Variants in PLXNA4 observed in about 807,000 individuals in gnomAD.
PLXNA4 encodes the protein plexin A4, also known as plexin-A4.
In PLXNA4, 44 loss-of-function variants were observed where a neutral mutation model predicts 191.8. That is an observed-to-expected ratio of 0.23 (90% CI 0.18 to 0.29). The LOEUF (loss-of-function observed/expected upper bound fraction) is 0.29. Among genes scored for constraint, PLXNA4 ranks in the 10% least tolerant of loss-of-function variants. The pLI is 1.00. For synonymous variants in PLXNA4, 1,082 were observed against 1,009.5 expected (o/e 1.07, Z -1.36); for missense variants, 1,800 against 2,488.8 (o/e 0.72, Z 5.89).
intron 3 of PLXNA4, among the ~76,000 whole-genome samples, chr7:132,424,836 G>A (rs550199659): frequency 3.9e-4 from 59 of 152,314 alleles, no homozygotes; most frequent in African/African-American, 7.7e-4. Flanking sequence ...TTCTGCTAGC[G>A]TGTGGTTTGG....
chr7:132,237,811 A>G (rs1798752602), intron 5 of PLXNA4, among the ~76,000 whole-genome samples: 1 of 152,174 alleles, frequency 6.6e-6, no homozygotes. Flanking sequence ...GTTATCGTGG[A>G]ATCTATTTGC....
chr7:132,234,278 G>T (rs1798621505), intron 5 of PLXNA4, among the ~76,000 whole-genome samples: 1 of 152,170 alleles, frequency 6.6e-6, no homozygotes, highest in Non-Finnish European at 1.5e-5. Context: ...CCAACAGCCT[G>T]GTGTCTTCAT....
At position 132,297,243 on chromosome 7, in the gene PLXNA4, G is replaced by A. The variant is rs542326457; in HGVS notation, c.1503+848C>T. ...ACGCATACATATTCATGGGATAGAGGGGCAGCTCCCGAGAATGACCCATCC... is the reference window on the plus strand; with the variant it reads ...ACGCATACATATTCATGGGATAGAGAGGCAGCTCCCGAGAATGACCCATCC... On this transcript the variant is annotated intron_variant, in intron 4 of 31. Coordinates refer to ENST00000321063, the MANE Select transcript of PLXNA4 (RefSeq NM_020911.2). 1.5e-3 allele frequency among the ~76,000 whole-genome samples: 226 copies of A among 152,242 alleles called. 1 individual carries two copies. Among genetic ancestry groups the A allele is most frequent in the African/African-American group, 5.3e-3 (219 of 41,546 alleles).
chr7:132,222,050 A>G (rs1296963207), intron 9 of PLXNA4, among the ~76,000 whole-genome samples: 1 of 152,230 alleles, frequency 6.6e-6, no homozygotes, highest in African/African-American at 2.4e-5. Flanking sequence ...TATCTTAATG[A>G]AGGTTTTCAA....
chr7:132,457,995 C>T (rs1001335322), intron 3 of PLXNA4, among the ~76,000 whole-genome samples: 30 of 152,200 alleles, frequency 2.0e-4, no homozygotes, highest in African/African-American at 7.2e-4. Context: ...TAAGAGAATA[C>T]ATTTGTGTCG....
At chr7:132,448,020 C>T (rs1023682085) in intron 3 of PLXNA4, among the ~76,000 whole-genome samples, 1 of 152,018 alleles carries the variant, frequency 6.6e-6, no homozygotes, top group African/African-American at 2.4e-5. Context: ...TAAAAAACAA[C>T]AACAACAGAA....
intron 3 of PLXNA4, among the ~76,000 whole-genome samples, chr7:132,445,906 G>C (rs1335844635): frequency 6.6e-6 from 1 of 152,156 alleles, no homozygotes; most frequent in African/African-American, 2.4e-5. Context: ...GGAAAATGAA[G>C]GTCAAAGTTA....
At chr7:132,561,790 C>G (rs1281326184) in intron 1 of PLXNA4, among the ~76,000 whole-genome samples, 5 of 133,640 alleles carry the variant, frequency 3.7e-5, no homozygotes, top group Non-Finnish European at 8.0e-5. Context: ...TCGTCCTTAA[C>G]CTCCTCCTCC....
intron 3 of PLXNA4, among the ~76,000 whole-genome samples, chr7:132,479,473 G>A (rs1205177587): frequency 6.6e-6 from 1 of 152,112 alleles, no homozygotes; most frequent in Admixed American, 6.5e-5. Context: ...ACAAAATAGA[G>A]CTGGGTCCCC....
At position 132,507,555 on chromosome 7, in the gene PLXNA4, G is replaced by A. The variant is rs1163987218; in HGVS notation, c.1139C>T (p.Thr380Met). The A allele has an allele frequency of 2.9e-5, 47 of 1,613,814 alleles. No homozygotes were observed. Among genetic ancestry groups the A allele is most frequent in the African/African-American group, 4.0e-5 (3 of 74,906 alleles). Residue 380 changes from threonine to methionine, a missense_variant, in exon 2 of 32, where the codon ACG becomes ATG. By Grantham distance (81) the Thr-to-Met change is moderately conservative. Around this residue, in one of 6 missense-constraint regions of PLXNA4, gnomAD observed 1,397 missense variants for 1,880.4 expected, o/e 0.74. Transcript: ENST00000321063. ...RLQSCYRGEG[T>M]LDLAWLKVKD... ...CACCTTGAGCCAGGCCAGGTCCAGC[G>A]TGCCCTCGCCCCGGTAACAAGACTG...
At chr7:132,545,979 T>A (rs1233001856) in intron 1 of PLXNA4, among the ~76,000 whole-genome samples, 2 of 152,222 alleles carry the variant, frequency 1.3e-5, no homozygotes, top group Non-Finnish European at 2.9e-5. Flanking sequence ...CAGTGCTGAG[T>A]AGTCAGTCAC....
At chr7:132,415,385 G>A (rs1458516238) in intron 3 of PLXNA4, among the ~76,000 whole-genome samples, 1 of 152,208 alleles carries the variant, frequency 6.6e-6, no homozygotes, top group East Asian at 1.9e-4. Context: ...TGCGAGACCA[G>A]GGATATGGCC....
intron 21 of PLXNA4, among the ~76,000 whole-genome samples, chr7:132,169,806 G>T (rs1443016136): frequency 1.3e-5 from 2 of 151,900 alleles, no homozygotes; most frequent in Admixed American, 6.6e-5. Context: ...TCATCGAGCT[G>T]CACGCTGACA....
chr7:132,234,221 C>A (rs1280070613), intron 5 of PLXNA4, among the ~76,000 whole-genome samples: 1 of 152,160 alleles, frequency 6.6e-6, no homozygotes, highest in African/African-American at 2.4e-5. Flanking sequence ...AGACACATTC[C>A]AACAATGACT....
At chr7:132,434,802 CGG>C (rs750070616) in intron 3 of PLXNA4, among the ~76,000 whole-genome samples, 7 of 152,174 alleles carry the variant, frequency 4.6e-5, no homozygotes, top group Non-Finnish European at 7.3e-5. Context: ...ACAGCCTTGA[CGG>C]GTACAGATGT....
At chr7:132,492,631 G>A (rs751852573) in intron 2 of PLXNA4, among the ~76,000 whole-genome samples, 1 of 152,140 alleles carries the variant, frequency 6.6e-6, no homozygotes, top group Non-Finnish European at 1.5e-5. Flanking sequence ...AGGTGGCCCT[G>A]CTCTTTGTTT....
intron 3 of PLXNA4, among the ~76,000 whole-genome samples, chr7:132,423,857 G>A (rs1199634356): frequency 6.6e-6 from 1 of 152,146 alleles, no homozygotes; most frequent in Non-Finnish European, 1.5e-5. Flanking sequence ...CATGGGGATG[G>A]CCACACTACA....
At chr7:132,618,821 C>T (rs1803206287) in intron 2 of PLXNA4, among the ~76,000 whole-genome samples, 1 of 152,090 alleles carries the variant, frequency 6.6e-6, no homozygotes, top group Non-Finnish European at 1.5e-5. Flanking sequence ...AAATATATCA[C>T]AATCATGCAT....
At chr7:132,303,459 C>G (rs144449192) in intron 3 of PLXNA4, among the ~76,000 whole-genome samples, 1 of 151,928 alleles carries the variant, frequency 6.6e-6, no homozygotes, top group Non-Finnish European at 1.5e-5. Flanking sequence ...GTCCCAGCTA[C>G]TCGGGATGCT....
Sources: gnomAD v4.1 joint callset for allele counts (sites outside exome capture counted in the v4.1 genomes callset) on GRCh38, gnomAD v4.1.1 for gene constraint, gnomAD v4.1.1 regional missense constraint, MANE v1.5 for transcripts, NCBI Gene and HGNC (gene_info 2026-07-23, HGNC 2026-07-21) for gene names.